The following BTBD9 variants were observed in gnomAD, a reference collection of about 807,000 sequenced individuals.
BTBD9 encodes the protein BTB domain containing 9.
Under a neutral mutation model 64.3 loss-of-function variants are expected in BTBD9, and 49 were observed. The ratio of observed to expected loss-of-function variants is 0.76; its 90% confidence interval spans 0.61 to 0.97. The LOEUF (loss-of-function observed/expected upper bound fraction) is 0.97. Among genes scored for constraint, BTBD9 ranks in the 50% least tolerant of loss-of-function variants. The pLI, the probability that BTBD9 is intolerant of heterozygous loss-of-function variation, is 0.00. For missense variants in BTBD9, 598 were observed against 762.1 expected (o/e 0.78, Z 2.53); for synonymous variants, 260 against 274.7 (o/e 0.95, Z 0.53).
At chr6:38,511,824 C>T (rs907401972) in intron 6 of BTBD9, among the ~76,000 whole-genome samples, 3 of 152,144 alleles carry the variant, frequency 2.0e-5, no homozygotes, top group Admixed American at 6.5e-5. Context: ...ACAGGAAGGG[C>T]GTTTCAAACA....
chr6:38,340,242 T>C (rs948861628), intron 7 of BTBD9, among the ~76,000 whole-genome samples: 2 of 152,044 alleles, frequency 1.3e-5, no homozygotes, highest in Admixed American at 6.6e-5. Flanking sequence ...GCAAACACAG[T>C]AGCAAAGATC....
chr6:38,435,704 T>A (rs1768698803), intron 6 of BTBD9, among the ~76,000 whole-genome samples: 1 of 145,828 alleles, frequency 6.9e-6, no homozygotes, highest in Admixed American at 6.9e-5. Flanking sequence ...AGTCTCACTC[T>A]ATCGCCCAGG....
At chr6:38,597,761 A>G in intron 2 of BTBD9, 149 bp downstream of exon 2, 1 of 666,478 alleles carries the variant, frequency 1.5e-6, no homozygotes, top group Non-Finnish European at 2.4e-6. Flanking sequence ...AAAATAACAA[A>G]GTCTACAAGG....
chr6:38,594,339 G>A lies in BTBD9; in HGVS notation c.186-12C>T. 1 of 1,569,652 alleles carries A rather than the reference G, an allele frequency of 6.4e-7. No individual in the cohort carries two copies. Among genetic ancestry groups the A allele is most frequent in the Non-Finnish European group, 8.6e-7 (1 of 1,156,406 alleles). Reference sequence around the variant, plus strand: ...CATATAATAATGCTCTGCACATCAGGGAAGAAACACATGAAGAAACCCTCA... The same window carrying A: ...CATATAATAATGCTCTGCACATCAGAGAAGAAACACATGAAGAAACCCTCA... On this transcript the variant is annotated splice_polypyrimidine_tract_variant and intron_variant, in intron 2 of 10. Transcript: ENST00000481247.
At chr6:38,404,646 A>G (rs185393315) in intron 6 of BTBD9, among the ~76,000 whole-genome samples, 1 of 152,310 alleles carries the variant, frequency 6.6e-6, no homozygotes, top group Non-Finnish European at 1.5e-5. Context: ...ATTCAAAACA[A>G]ATATCAAGAT....
chr6:38,522,362 G>GTCCCACGACATGGT (rs55694401), intron 6 of BTBD9, among the ~76,000 whole-genome samples: 1 of 151,900 alleles, frequency 6.6e-6, no homozygotes, highest in African/African-American at 2.4e-5. Flanking sequence ...TCAAATTAAA[G>GTCCCACGACATGGT]TCCCTATACT....
chr6:38,190,333 G>A (rs565608949), intron 10 of BTBD9, among the ~76,000 whole-genome samples: 36 of 152,012 alleles, frequency 2.4e-4, no homozygotes, highest in Admixed American at 1.4e-3. Context: ...GCTGGGCTTG[G>A]TGGCAGGCAC....
chr6:38,182,889 G>T (rs112158468), intron 10 of BTBD9, among the ~76,000 whole-genome samples: 2,245 of 151,836 alleles, frequency 0.015, 39 homozygotes, highest in African/African-American at 0.05. Flanking sequence ...ACAACCATAT[G>T]TGCTCAATGT....
intron 6 of BTBD9, among the ~76,000 whole-genome samples, chr6:38,555,315 C>T (rs1562333814): frequency 6.6e-6 from 1 of 152,090 alleles, no homozygotes; most frequent in Non-Finnish European, 1.5e-5. Flanking sequence ...CACATAAAGA[C>T]AAGTATATAA....
rs141999885 is a variant in BTBD9 at position 38,636,508 on chromosome 6, T to C, written c.-28+3292A>G. On this transcript the variant is annotated intron_variant, in intron 1 of 10. Coordinates refer to ENST00000481247, the MANE Select transcript of BTBD9 (RefSeq NM_001099272.2). ...ACTTAATGTCATCATAAGCAAACAG[T>C]TGCTCAAACTAGACATATTATCTTT... is the stretch of plus-strand genomic sequence containing the variant. Among the ~76,000 whole-genome samples, 587 of 152,312 alleles carry C rather than the reference T, an allele frequency of 3.9e-3. 4 individuals are homozygous for C. Among genetic ancestry groups the C allele is most frequent in the African/African-American group, 0.012 (503 of 41,572 alleles).
chr6:38,299,684 GCC>G (rs1762309713), intron 7 of BTBD9, among the ~76,000 whole-genome samples: 1 of 152,120 alleles, frequency 6.6e-6, no homozygotes, highest in Non-Finnish European at 1.5e-5. Context: ...CATATCCTTT[GCC>G]CACTTTTTGA....
intron 1 of BTBD9, among the ~76,000 whole-genome samples, chr6:38,606,436 C>A (rs955272756): frequency 6.6e-6 from 1 of 151,850 alleles, no homozygotes; most frequent in Non-Finnish European, 1.5e-5. Flanking sequence ...AAGAAAATGG[C>A]CAATATGACA....
In BTBD9 at chr6:38,500,583, C is replaced by G. The variant is rs1355781737; in HGVS notation, c.1154+77017G>C. 2.6e-5 allele frequency among the ~76,000 whole-genome samples: 4 copies of G among 152,204 alleles called. No individual in the cohort carries two copies. In the East Asian group the frequency reaches 7.7e-4, roughly 29 times the overall value. ...TAACTCAGTATTAACTCTCTCAACA[C>G]AATTCTCTTCCATTAACTCTGAGCA... On this transcript the variant is annotated intron_variant, in intron 6 of 10. Coordinates refer to ENST00000481247, the MANE Select transcript of BTBD9 (RefSeq NM_001099272.2).
intron 8 of BTBD9, among the ~76,000 whole-genome samples, chr6:38,276,692 G>T (rs534595605): frequency 6.6e-6 from 1 of 152,200 alleles, no homozygotes; most frequent in African/African-American, 2.4e-5. Flanking sequence ...TGTTAACCAA[G>T]AAGTTAGAAC....
chr6:38,571,311 G>C (rs1562356328), intron 6 of BTBD9, among the ~76,000 whole-genome samples: 2 of 152,118 alleles, frequency 1.3e-5, no homozygotes, highest in African/African-American at 2.4e-5. Context: ...AGAGGTGTAG[G>C]GAACAAAAGA....
intron 6 of BTBD9, among the ~76,000 whole-genome samples, chr6:38,473,226 C>T (rs1770725737): frequency 6.6e-6 from 1 of 152,094 alleles, no homozygotes; most frequent in Non-Finnish European, 1.5e-5. Context: ...AGGACAAATG[C>T]AATACTCTTT....
At chr6:38,215,490 A>T (rs1395871479) in intron 9 of BTBD9, among the ~76,000 whole-genome samples, 1 of 152,200 alleles carries the variant, frequency 6.6e-6, no homozygotes, top group African/African-American at 2.4e-5. Context: ...AAGAGCTGCT[A>T]ATGAAGGCCC....
intron 6 of BTBD9, among the ~76,000 whole-genome samples, chr6:38,352,826 C>T (rs1764574986): frequency 1.3e-5 from 2 of 152,234 alleles, no homozygotes; most frequent in Non-Finnish European, 2.9e-5. Context: ...CTTCCCAACT[C>T]ATGATCACTG....
chr6:38,586,890 C>G (rs1172341615), intron 4 of BTBD9, among the ~76,000 whole-genome samples: 1 of 151,472 alleles, frequency 6.6e-6, no homozygotes, highest in African/African-American at 2.4e-5. Flanking sequence ...TGGTGAAACC[C>G]CATCTCTACT....
Sources: gnomAD v4.1 joint callset for allele counts (sites outside exome capture counted in the v4.1 genomes callset) on GRCh38, gnomAD v4.1.1 for gene constraint, MANE v1.5 for transcripts, NCBI Gene and HGNC (gene_info 2026-07-23, HGNC 2026-07-21) for gene names.